Variants in ZMYM2 observed in about 807,000 individuals in gnomAD.
ZMYM2 encodes the protein zinc finger MYM-type containing 2.
A neutral mutation model predicts 162.8 loss-of-function variants in ZMYM2; 56 were observed. The ratio of observed to expected loss-of-function variants is 0.34; its 90% CI spans 0.28 to 0.43. The LOEUF is 0.43. Ranked by LOEUF, ZMYM2 falls within the 20% of genes least tolerant of loss-of-function variation. The pLI, the probability that ZMYM2 is intolerant of heterozygous loss-of-function variation, is 1.00. For synonymous variants in ZMYM2, 510 were observed against 541.6 expected, an observed-to-expected ratio of 0.94 and a Z score of 0.81; for missense variants, 1,275 against 1,621.8, an observed-to-expected ratio of 0.79 and a Z score of 3.67.
the ZMYM2 span, among the ~76,000 whole-genome samples, chr13:19,874,771 C>T: frequency 6.6e-6 from 1 of 152,048 alleles, no homozygotes; most frequent in South Asian, 2.1e-4. Context: ...ATTATTAAGC[C>T]TACTACAGCT....
At chr13:19,898,455 G>A in the ZMYM2 span, among the ~76,000 whole-genome samples, 16 of 152,020 alleles carry the variant, frequency 1.1e-4, no homozygotes, top group African/African-American at 3.4e-4. Context: ...GGATGGTCTC[G>A]ATCTCCTGAC....
At chr13:20,061,019 A>G in intron 16 of ZMYM2, 34 bp from the exon 17 acceptor site, 3 of 1,575,684 alleles carry the variant, frequency 1.9e-6, no homozygotes, top group Non-Finnish European at 2.6e-6. Flanking sequence ...TTTAATGTTT[A>G]GTAAACCTAA....
intron 3 of ZMYM2, among the ~76,000 whole-genome samples, chr13:19,997,192 CTATT>C (rs1238626931): frequency 3.9e-5 from 6 of 152,148 alleles, no homozygotes; most frequent in South Asian, 2.1e-4. Context: ...ATACCATTAA[CTATT>C]TATATAAGTT....
chr13:19,940,080 C>A, the ZMYM2 span, among the ~76,000 whole-genome samples: 17 of 152,032 alleles, frequency 1.1e-4, no homozygotes, highest in Non-Finnish European at 2.5e-4. Flanking sequence ...GAAAACATAT[C>A]TAAGTATAGA....
chr13:20,048,910 T>C (rs1215999651), intron 12 of ZMYM2, among the ~76,000 whole-genome samples: 1 of 151,928 alleles, frequency 6.6e-6, no homozygotes, highest in Non-Finnish European at 1.5e-5. Flanking sequence ...CAGAGACTTG[T>C]GTCCCATTTA....
Position 20,066,876 on chromosome 13 carries a change from G to C in ZMYM2, c.3158G>C (p.Gly1053Ala). 4 of 1,608,034 alleles carry C rather than the reference G, an allele frequency of 2.5e-6. No individual in the cohort carries two copies. The highest frequency in any genetic ancestry group is 3.4e-6 in the Non-Finnish European group (4 of 1,177,348). ...KKGAKRKAVS[G>A]YQSHDDSSDN... Reference sequence around the variant, plus strand: ...GGAGCCAAGAGAAAGGCTGTATCAGGATACCAGTCTCATGATGATAGTTCT... The same window carrying C: ...GGAGCCAAGAGAAAGGCTGTATCAGCATACCAGTCTCATGATGATAGTTCT... Residue 1053 changes from glycine (G) to alanine (A), a missense_variant, in exon 20 of 25, where the codon GGA becomes GCA. By Grantham distance (60) the Gly-to-Ala change is moderately conservative. Around this residue, in one of 10 missense-constraint regions of ZMYM2, gnomAD observed 229 missense variants for 283.8 expected, o/e 0.81. Coordinates refer to ENST00000610343, the MANE Select transcript of ZMYM2 (RefSeq NM_197968.4).
the ZMYM2 span, among the ~76,000 whole-genome samples, chr13:19,946,491 T>C: frequency 3.3e-5 from 5 of 152,262 alleles, no homozygotes; most frequent in South Asian, 1.0e-3. Flanking sequence ...AAAAGTGTTC[T>C]ATAATCATTA....
the ZMYM2 span, chr13:19,864,215 T>G: frequency 5.2e-5 from 8 of 155,022 alleles, no homozygotes. Flanking sequence ...GCGGTTGAAC[T>G]GGAGTCTTGA....
intron 21 of ZMYM2, among the ~76,000 whole-genome samples, chr13:20,073,553 G>A (rs1354267665): frequency 6.6e-6 from 1 of 152,112 alleles, no homozygotes; most frequent in Non-Finnish European, 1.5e-5. Context: ...TTCTTAAGAT[G>A]TAAGCTTAGA....
intron 12 of ZMYM2, among the ~76,000 whole-genome samples, chr13:20,044,055 T>G (rs748222318): frequency 1.8e-4 from 27 of 152,102 alleles, no homozygotes; most frequent in Non-Finnish European, 3.5e-4. Flanking sequence ...GACTGGCCTC[T>G]TCTTATGGGC....
the ZMYM2 span, among the ~76,000 whole-genome samples, chr13:19,947,330 G>A: frequency 6.6e-6 from 1 of 152,202 alleles, no homozygotes; most frequent in South Asian, 2.1e-4. Context: ...AAAGTGCTGG[G>A]ATTACAGGCG....
intron 15 of ZMYM2, 105 bp from the exon 16 acceptor site, chr13:20,059,342 G>T: frequency 3.0e-6 from 3 of 1,001,230 alleles, no homozygotes; most frequent in South Asian, 1.8e-5. Context: ...AAAAAAAAAA[G>T]GTACTGAGGT....
At chr13:19,976,405 T>G (rs1416171330) in intron 2 of ZMYM2, among the ~76,000 whole-genome samples, 2 of 152,142 alleles carry the variant, frequency 1.3e-5, no homozygotes, top group Non-Finnish European at 2.9e-5. Flanking sequence ...TTTTTCTTTT[T>G]TATTTTAAAT....
chr13:20,046,045 C>T (rs1309058703), intron 12 of ZMYM2, among the ~76,000 whole-genome samples: 1 of 146,154 alleles, frequency 6.8e-6, no homozygotes, highest in Non-Finnish European at 1.5e-5. Context: ...AGTTCAAGAC[C>T]AGCCTGGGGA....
the ZMYM2 span, among the ~76,000 whole-genome samples, chr13:19,899,632 A>C: frequency 6.6e-6 from 1 of 151,702 alleles, no homozygotes; most frequent in Admixed American, 6.6e-5. Context: ...CCTGGCCAAC[A>C]TGGGGAAACT....
chr13:19,980,524 G>A (rs566102859), intron 2 of ZMYM2, among the ~76,000 whole-genome samples: 12 of 152,070 alleles, frequency 7.9e-5, no homozygotes, highest in African/African-American at 2.9e-4. Context: ...CGCCAAGGCA[G>A]GCAGATCACT....
At chr13:19,929,711 C>G in the ZMYM2 span, among the ~76,000 whole-genome samples, 43 of 152,134 alleles carry the variant, frequency 2.8e-4, no homozygotes, top group Admixed American at 5.2e-4. Context: ...TCTCAGACTT[C>G]TATTTTCTAA....
At chr13:20,046,375 C>T (rs1954780559) in intron 12 of ZMYM2, among the ~76,000 whole-genome samples, 1 of 151,256 alleles carries the variant, frequency 6.6e-6, no homozygotes, top group Admixed American at 6.6e-5. Context: ...AGCAAGACCC[C>T]ATCTCTACAA....
intron 16 of ZMYM2, 121 bp downstream of exon 16, chr13:20,059,683 A>ATT (rs201166010): frequency 9.8e-6 from 5 of 511,856 alleles, no homozygotes; most frequent in South Asian, 3.8e-5. Flanking sequence ...TATGTGGATG[A>ATT]TTTTTTTTTT....
Sources: allele counts gnomAD v4.1 joint callset (sites outside exome capture counted in the v4.1 genomes callset), GRCh38; gene constraint gnomAD v4.1.1; regional missense constraint gnomAD v4.1.1; transcripts MANE v1.5; gene names NCBI Gene and HGNC (gene_info 2026-07-23, HGNC 2026-07-21).